The following MSR1 variants were observed in gnomAD, a reference collection of about 807,000 sequenced individuals.
MSR1 encodes macrophage scavenger receptor types I and II.
Under a neutral mutation model 47.2 loss-of-function variants are expected in MSR1, and 53 were observed. That is an observed-to-expected ratio of 1.12 (90% CI 0.90 to 1.41). The LOEUF (loss-of-function observed/expected upper bound fraction) is 1.41. Ranked by LOEUF, MSR1 falls within the 40% of genes most tolerant of loss-of-function variation. The pLI is 0.00. For missense variants in MSR1, 786 were observed against 546.9 expected (o/e 1.44, Z -4.36); for synonymous variants, 239 against 185.6 (o/e 1.29, Z -2.34).
Position 16,120,511 on chromosome 8 carries a change from C to G in MSR1, c.1129G>C (p.Asp377His), listed in dbSNP as rs528497990. The G allele has an allele frequency of 6.2e-7, 1 of 1,613,602 alleles. No homozygotes were observed. Among genetic ancestry groups the G allele is most frequent in the South Asian group, 1.1e-5 (1 of 91,054 alleles). ...TGTCCAACGCGCACTTCCCAGCGAT[C>G]GTCACAAATTGTACCCCACTGGCCG... ...HSGQWGTICD[D>H]RWEVRVGQVV... The change falls in exon 9 of 10, where the codon GAT (aspartate) becomes CAT (histidine). Residue 377 changes from aspartate to histidine, a missense_variant. Physicochemically the swap from Asp to His is moderately conservative, Grantham distance 81. Transcript: ENST00000262101.
chr8:16,134,856 G>T (rs1348016155), intron 8 of MSR1, among the ~76,000 whole-genome samples: 1 of 152,170 alleles, frequency 6.6e-6, no homozygotes, highest in Non-Finnish European at 1.5e-5. Context: ...GTTTTAGTTA[G>T]TGGCCTTCAT....
chr8:16,161,477 T>A (rs1801161878), intron 5 of MSR1, among the ~76,000 whole-genome samples: 1 of 151,966 alleles, frequency 6.6e-6, no homozygotes, highest in South Asian at 2.1e-4. Context: ...ATCATCTGTT[T>A]TATTGTGATA....
intron 9 of MSR1, among the ~76,000 whole-genome samples, chr8:16,111,407 T>C (rs1273532256): frequency 6.6e-6 from 1 of 152,134 alleles, no homozygotes; most frequent in African/African-American, 2.4e-5. Flanking sequence ...GCTCCATGAA[T>C]TGTGAACCCG....
In MSR1 at chr8:16,177,854, C is replaced by A. The variant is rs191693779; in HGVS notation, c.103+32G>T. 1.3e-5 allele frequency: 20 copies of A among 1,552,846 alleles called. No individual in the cohort carries two copies. The South Asian group carries it at 2.1e-4, about 16-fold the overall frequency. On this transcript the variant is annotated intron_variant, in intron 2 of 9. Coordinates refer to ENST00000262101, the MANE Select transcript of MSR1 (RefSeq NM_138715.3). ...ATTTTGTCAATAACTCTAAGAACAA[C>A]CTCCATGGGCAGCCCATCCCCCTCT...
At chr8:16,163,610 A>G (rs1048217435) in intron 5 of MSR1, among the ~76,000 whole-genome samples, 3 of 151,560 alleles carry the variant, frequency 2.0e-5, no homozygotes, top group Non-Finnish European at 4.4e-5. Context: ...ACCTTATTTC[A>G]CTAACAGGCA....
chr8:16,188,383 G>A (rs1185366814), intron 1 of MSR1, among the ~76,000 whole-genome samples: 1 of 152,034 alleles, frequency 6.6e-6, no homozygotes, highest in Non-Finnish European at 1.5e-5. Flanking sequence ...GTCTTTGGAT[G>A]TATGTATACC....
At chr8:16,111,736 T>G (rs529803998) in intron 9 of MSR1, among the ~76,000 whole-genome samples, 2 of 151,912 alleles carry the variant, frequency 1.3e-5, no homozygotes, top group Non-Finnish European at 2.9e-5. Flanking sequence ...CAGGAAACAC[T>G]TATACATGTG....
At chr8:16,175,044 T>C in intron 3 of MSR1, 143 bp downstream of exon 3, 1 of 706,580 alleles carries the variant, frequency 1.4e-6, no homozygotes, top group Non-Finnish European at 2.4e-6. Flanking sequence ...TTTTTTAACT[T>C]AACAAATTTG....
chr8:16,144,218 A>G (rs931340507), intron 7 of MSR1, among the ~76,000 whole-genome samples: 2 of 152,092 alleles, frequency 1.3e-5, no homozygotes, highest in African/African-American at 4.8e-5. Flanking sequence ...ATGGATGCAG[A>G]AACATTGCTA....
At chr8:16,166,535 T>G (rs962604371) in intron 4 of MSR1, among the ~76,000 whole-genome samples, 1 of 152,014 alleles carries the variant, frequency 6.6e-6, no homozygotes, top group African/African-American at 2.4e-5. Context: ...CAGTGGAAAT[T>G]ATTTTCACTG....
At chr8:16,125,422 T>A (rs963521685) in intron 8 of MSR1, among the ~76,000 whole-genome samples, 2 of 152,292 alleles carry the variant, frequency 1.3e-5, no homozygotes, top group East Asian at 3.9e-4. Flanking sequence ...CACATTTTTC[T>A]TTATATATGT....
chr8:16,168,278 G>A (rs894607839), intron 4 of MSR1, among the ~76,000 whole-genome samples, 180 bp downstream of exon 4: 3 of 152,166 alleles, frequency 2.0e-5, no homozygotes, highest in African/African-American at 7.2e-5. Context: ...TTTAGAGAAG[G>A]CGAATCCATT....
chr8:16,126,270 T>C (rs1179807085), intron 8 of MSR1, among the ~76,000 whole-genome samples: 1 of 152,172 alleles, frequency 6.6e-6, no homozygotes, highest in African/African-American at 2.4e-5. Context: ...CTTCTTTGCA[T>C]GTGTCAATTA....
Position 16,109,900 on chromosome 8 carries a change from T to A in MSR1, c.*185A>T. ...ATTTAAAAACCTATAGAAGTTAAAA[T>A]GATTTAAATATAGACATAAAATAGT... On this transcript the variant is annotated 3_prime_UTR_variant, in exon 10 of 10. Transcript: ENST00000262101. The A allele has an allele frequency of 1.5e-6, 1 of 677,358 alleles. No homozygotes were observed. Among genetic ancestry groups the A allele is most frequent in the South Asian group, 2.0e-5 (1 of 49,628 alleles). The allele number at this position is 677,358 out of a possible 1,614,324, so 42.0% of individuals were successfully genotyped here.
At chr8:16,139,487 C>G (rs1306590064) in intron 8 of MSR1, 2 of 983,638 alleles carry the variant, frequency 2.0e-6, no homozygotes, top group African/African-American at 3.5e-5. Context: ...CTACTAGAAT[C>G]TTAATAGTAT....
intron 7 of MSR1, 77 bp downstream of exon 7, chr8:16,150,136 GTGTGTATATATATATATA>G (rs1255207345): frequency 6.8e-5 from 13 of 190,326 alleles, no homozygotes; most frequent in African/African-American, 5.6e-4. Context: ...GTATGTGTGT[GTGTGTATATATATATATA>G]TATATATATA....
At chr8:16,152,813 G>A (rs1800897081) in intron 6 of MSR1, among the ~76,000 whole-genome samples, 1 of 151,880 alleles carries the variant, frequency 6.6e-6, no homozygotes, top group Non-Finnish European at 1.5e-5. Flanking sequence ...TTATCATCCT[G>A]GAAGCGCTGT....
intron 8 of MSR1, chr8:16,121,276 T>C (rs191108143): frequency 6.9e-4 from 221 of 320,362 alleles, no homozygotes; most frequent in African/African-American, 2.4e-3. Flanking sequence ...GTGATTCAAA[T>C]AGTAAACTAC....
At chr8:16,113,983 A>G (rs1563136635) in intron 9 of MSR1, among the ~76,000 whole-genome samples, 1 of 144,710 alleles carries the variant, frequency 6.9e-6, no homozygotes, top group East Asian at 2.2e-4. Context: ...TTTCTCTATG[A>G]AAAAAATATG....
Sources: allele counts gnomAD v4.1 joint callset (sites outside exome capture counted in the v4.1 genomes callset), GRCh38; gene constraint gnomAD v4.1.1; transcripts MANE v1.5; gene names NCBI Gene and HGNC (gene_info 2026-07-23, HGNC 2026-07-21).